Variants in KIF13B observed in about 807,000 individuals in gnomAD.
The protein encoded by KIF13B is kinesin family member 13B.
KIF13B carries 127 observed loss-of-function variants against 222.0 expected under a neutral mutation model. The ratio of observed to expected loss-of-function variants is 0.57; its 90% CI spans 0.50 to 0.66. The LOEUF is 0.66. Among genes scored for constraint, KIF13B ranks in the 30% least tolerant of loss-of-function variants. The pLI is 0.00. For synonymous variants in KIF13B, 976 were observed against 919.0 expected (o/e 1.06, Z -1.12); for missense variants, 2,173 against 2,379.0 (o/e 0.91, Z 1.80).
intron 37 of KIF13B, among the ~76,000 whole-genome samples, chr8:29,075,783 C>G (rs938544364): frequency 6.6e-6 from 1 of 152,130 alleles, no homozygotes; most frequent in Non-Finnish European, 1.5e-5. Context: ...GGCTGGAGCA[C>G]AAACCCAGAG....
intron 31 of KIF13B, among the ~76,000 whole-genome samples, chr8:29,115,764 G>A (rs1196809013): frequency 6.6e-6 from 1 of 152,050 alleles, no homozygotes; most frequent in East Asian, 1.9e-4. Flanking sequence ...CGCGGTCCCC[G>A]ATCCTGCCCC....
chr8:29,211,462 T>C (rs949982354), intron 2 of KIF13B, among the ~76,000 whole-genome samples: 1 of 32,246 alleles, frequency 3.1e-5, no homozygotes, highest in African/African-American at 9.3e-5. Context: ...CAGAGCCTGG[T>C]GGCCAGAACT....
At position 29,070,471 on chromosome 8, in the gene KIF13B, C is replaced by A; in HGVS notation, c.*33G>T. 2 of 1,603,534 alleles carry A rather than the reference C, an allele frequency of 1.2e-6. No individual in the cohort carries two copies. The highest frequency in any genetic ancestry group is 1.7e-6 in the Non-Finnish European group (2 of 1,175,548). ...CTGGCAGGGCTCAAAAGGGGCCGGGCACCCCCAGAAAAGTTCGCCCTAAGG... is the reference window on the plus strand; with the variant it reads ...CTGGCAGGGCTCAAAAGGGGCCGGGAACCCCCAGAAAAGTTCGCCCTAAGG... On this transcript the variant is annotated 3_prime_UTR_variant, in exon 40 of 40. Transcript: ENST00000524189. The surrounding 1 kb of genome is among the most constrained non-coding windows in gnomAD (Gnocchi z 4.1).
chr8:29,072,230 A>G lies in KIF13B; in HGVS notation c.4608T>C (p.Pro1536=), dbSNP rs763587980. 1.4e-6 allele frequency: 2 copies of G among 1,470,038 alleles called. No individual in the cohort carries two copies. The highest frequency in any genetic ancestry group is 1.4e-5 in the South Asian group (1 of 69,494). 91.1% of individuals were successfully genotyped at this position (1,470,038 alleles called of 1,614,324 possible). A position where few individuals can be genotyped will look rare whatever the true frequency, so the allele number is the denominator to read the frequency against. Residue 1536 remains proline, a synonymous_variant, in exon 39 of 40, where the codon CCT becomes CCC. Transcript: ENST00000524189. ...TGACAGCTATGACAGGCGGTGGGGA[A>G]GGCACTTTGGCAGGTTTGTCGCAGA... ...LKICDKPAKV[P]SPPPVIAVTA... is the part of the protein sequence containing the mutation.
At chr8:29,095,227 T>A (rs529366781) in intron 36 of KIF13B, among the ~76,000 whole-genome samples, 1 of 152,198 alleles carries the variant, frequency 6.6e-6, no homozygotes, top group African/African-American at 2.4e-5. Context: ...AAAGAGAAAC[T>A]TCTGAAAGTA....
At chr8:29,145,995 A>C (rs1811043561) in intron 18 of KIF13B, 1 of 369,920 alleles carries the variant, frequency 2.7e-6, no homozygotes, top group Middle Eastern at 7.9e-4. Context: ...AGTAGAAAAT[A>C]ACATAAGCAA....
chr8:29,087,777 G>A (rs769846718), intron 37 of KIF13B, among the ~76,000 whole-genome samples: 1 of 152,144 alleles, frequency 6.6e-6, no homozygotes, highest in Admixed American at 6.5e-5. Flanking sequence ...GCGTTTCCCA[G>A]ATGAGATGTG....
At position 29,092,765 on chromosome 8, in the gene KIF13B, G is replaced by A; in HGVS notation, c.4438C>T (p.Pro1480Ser). The A allele has an allele frequency of 6.2e-7, 1 of 1,612,700 alleles. No individual in the cohort carries two copies. The highest frequency in any genetic ancestry group is 8.5e-7 in the Non-Finnish European group (1 of 1,179,496). ...TTTACCTGGTGTGCGAGGGGAGACG[G>A]CCGCTTGCCCCTCTTCTCATCGCGG... ...PVRDEKRGKRPSPLAHQPVPR... is the reference protein window; with the variant it reads ...PVRDEKRGKRSSPLAHQPVPR... The change falls in exon 37 of 40, where the codon CCG becomes TCG. Residue 1480 changes from proline to serine, a missense_variant. This residue lies in a region of KIF13B where 693 missense variants were observed against 656.2 expected (regional missense o/e 1.06). Transcript: ENST00000524189.
chr8:29,148,664 C>A lies in KIF13B; in HGVS notation c.1726G>T (p.Asp576Tyr). 1 of 1,613,092 alleles carries A rather than the reference C, an allele frequency of 6.2e-7. No individual in the cohort carries two copies. Among genetic ancestry groups the A allele is most frequent in the Non-Finnish European group, 8.5e-7 (1 of 1,179,508 alleles). Residue 576 changes from aspartate to tyrosine, a missense_variant, in exon 16 of 40, where the codon GAC becomes TAC. By Grantham distance (160) the Asp-to-Tyr change is radical. Transcript: ENST00000524189. ...NSSEQLDVDG[D>Y]SSSEVSSEVN... is the part of the protein sequence containing the mutation. ...TCACTGGACACCTCGCTGGAGGAGT[C>A]TCCGTCTACATCCAGCTGCTCAGAA...
rs80041628 is a variant in KIF13B at position 29,097,432 on chromosome 8, G to C, written c.4324+1701C>G. Among the ~76,000 whole-genome samples, 1,348 of 152,248 alleles carry C rather than the reference G, an allele frequency of 8.9e-3. 21 individuals are homozygous for C. The highest frequency in any genetic ancestry group is 0.03 in the African/African-American group (1,259 of 41,542). On this transcript the variant is annotated intron_variant, in intron 36 of 39. Transcript: ENST00000524189. The stretch of plus-strand genomic sequence containing the variant: ...TGCCCTCTCAAGAACTGATGGAATA[G>C]GCCTCCACCAAATCAGCAAAGATCC...
intron 11 of KIF13B, among the ~76,000 whole-genome samples, chr8:29,165,976 A>G (rs1280613281): frequency 2.7e-5 from 4 of 148,926 alleles, no homozygotes; most frequent in Non-Finnish European, 6.0e-5. Context: ...ATATGCCCAA[A>G]AAGAAGGCTT....
At chr8:29,165,323 AT>A (rs1268650194) in intron 12 of KIF13B, among the ~76,000 whole-genome samples, 1 of 152,158 alleles carries the variant, frequency 6.6e-6, no homozygotes, top group Non-Finnish European at 1.5e-5. Flanking sequence ...AGATGGAGTA[AT>A]TTTGTAATTT....
At chr8:29,254,374 AAAAG>A (rs1239154305) in intron 1 of KIF13B, among the ~76,000 whole-genome samples, 84 of 152,370 alleles carry the variant, frequency 5.5e-4, no homozygotes, top group Middle Eastern at 3.4e-3. Context: ...AAGGGAGTGA[AAAAG>A]AAACCCATAA....
In KIF13B at chr8:29,127,190, G is replaced by A. The variant is rs768808287; in HGVS notation, c.3154C>T (p.Leu1052=). Residue 1052 remains leucine (L), a synonymous_variant, in exon 25 of 40, where the codon CTG becomes TTG. Transcript: ENST00000524189. The part of the protein sequence containing the change: ...GTLPLMEECI[L]SVGIGCVKVR... Reference sequence around the variant, plus strand: ...TTGACACATCCAATGCCAACAGACAGTATACATTCTTCCATCAGTGGTAAA... The same window carrying A: ...TTGACACATCCAATGCCAACAGACAATATACATTCTTCCATCAGTGGTAAA... 5 of 1,613,956 alleles carry A rather than the reference G, an allele frequency of 3.1e-6. No homozygotes were observed. The highest frequency in any genetic ancestry group is 1.7e-5 in the Admixed American group (1 of 60,018).
At chr8:29,207,000 C>T (rs568742278) in intron 2 of KIF13B, among the ~76,000 whole-genome samples, 1 of 152,262 alleles carries the variant, frequency 6.6e-6, no homozygotes, top group African/African-American at 2.4e-5. Context: ...TGGTTTACCA[C>T]GCAACTTCCT....
chr8:29,121,160 C>T (rs929650036), intron 29 of KIF13B, among the ~76,000 whole-genome samples: 5 of 149,740 alleles, frequency 3.3e-5, no homozygotes, highest in Non-Finnish European at 5.9e-5. Flanking sequence ...AATGCCATCC[C>T]CATCAAGCTA....
In KIF13B at chr8:29,073,555, G is replaced by C. The variant is rs145261541; in HGVS notation, c.4522-1239C>G. ...AGGAGAAGGCAGGAACAGGGAATGA[G>C]ATTGGTGGGGTGGAGAGCACTGCTA... On this transcript the variant is annotated intron_variant, in intron 38 of 39. Coordinates refer to ENST00000524189, the MANE Select transcript of KIF13B (RefSeq NM_015254.4). Among the ~76,000 whole-genome samples, 321 of 152,306 alleles carry C rather than the reference G, an allele frequency of 2.1e-3. 1 individual carries two copies. The highest frequency in any genetic ancestry group is 4.8e-3 in the Admixed American group (74 of 15,302).
rs187416485 is a variant in KIF13B at position 29,257,020 on chromosome 8, G to A, written c.55+5960C>T. On this transcript the variant is annotated intron_variant, in intron 1 of 39. Coordinates refer to ENST00000524189, the MANE Select transcript of KIF13B (RefSeq NM_015254.4). ...TCCACCCACCTCGGCCTCCCAAAGT[G>A]CTGGGAGTACAGGGGTGAGCCACCA... Among the ~76,000 whole-genome samples, 695 of 152,270 alleles carry A rather than the reference G, an allele frequency of 4.6e-3. 2 individuals are homozygous for A. The highest frequency in any genetic ancestry group is 0.01 in the Middle Eastern group (3 of 294).
rs1364729620 is a variant in KIF13B at position 29,123,406 on chromosome 8, G to A, written c.3439C>T (p.Pro1147Ser). ...CCTGGAATACCACTGCCAGCAGAGGGGACCATCACCGCGTTCCTCTCCTCA... is the reference window on the plus strand; with the variant it reads ...CCTGGAATACCACTGCCAGCAGAGGAGACCATCACCGCGTTCCTCTCCTCA... ...LTEERNAVMVPSAGSGIPGAP... is the reference protein window; with the variant it reads ...LTEERNAVMVSSAGSGIPGAP... Residue 1147 changes from proline to serine, a missense_variant, in exon 28 of 40, where the codon CCC (proline) becomes TCC (serine). Around this residue, in one of 2 missense-constraint regions of KIF13B, gnomAD observed 1,480 missense variants for 1,722.8 expected, o/e 0.86. Transcript: ENST00000524189. The A allele has an allele frequency of 1.2e-6, 2 of 1,613,978 alleles. No homozygotes were observed. Among genetic ancestry groups the A allele is most frequent in the Non-Finnish European group, 8.5e-7 (1 of 1,179,894 alleles).
Sources: gnomAD v4.1 joint callset for allele counts (sites outside exome capture counted in the v4.1 genomes callset) on GRCh38, gnomAD v4.1.1 for gene constraint, gnomAD v4.1.1 regional missense constraint, Gnocchi (gnomAD v3.1) non-coding constraint, MANE v1.5 for transcripts, NCBI Gene and HGNC (gene_info 2026-07-23, HGNC 2026-07-21) for gene names.